The following ARHGEF18 variants were observed in gnomAD, a reference collection of about 807,000 sequenced individuals.
ARHGEF18 encodes the protein Rho/Rac guanine nucleotide exchange factor 18.
In ARHGEF18, 93 loss-of-function variants were observed where a neutral mutation model predicts 155.7. The observed-to-expected ratio is 0.60, with a 90% CI of 0.50 to 0.71. The LOEUF (loss-of-function observed/expected upper bound fraction) is 0.71. Among genes scored for constraint, ARHGEF18 ranks in the 30% least tolerant of loss-of-function variants. The probability of loss-of-function intolerance (pLI) is 0.00; values close to 1 mark genes in which losing one functional copy is unlikely to be tolerated. For synonymous variants in ARHGEF18, 742 were observed against 753.1 expected (o/e 0.99, Z 0.24); for missense variants, 1,593 against 1,816.1 (o/e 0.88, Z 2.23).
At position 7,456,550 on chromosome 19, in the gene ARHGEF18, C is replaced by T. The variant is rs577462966; in HGVS notation, c.2181+147C>T. On this transcript the variant is annotated intron_variant, in intron 18 of 28. Transcript: ENST00000668164. Reference sequence around the variant, plus strand: ...TGGCCAACATGGTGAAACCTCACCTCTACTAAAAATACAAAAATTAGCCGG... The same window carrying T: ...TGGCCAACATGGTGAAACCTCACCTTTACTAAAAATACAAAAATTAGCCGG... 4.1e-6 allele frequency: 3 copies of T among 727,092 alleles called. No individual in the cohort carries two copies. In the Middle Eastern group the frequency reaches 7.7e-4, roughly 186 times the overall value. The allele number at this position is 727,092 out of a possible 1,614,324, so 45.0% of individuals were successfully genotyped here.
At chr19:7,426,901 A>G (rs974626348) in intron 10 of ARHGEF18, among the ~76,000 whole-genome samples, 3 of 152,172 alleles carry the variant, frequency 2.0e-5, no homozygotes, top group Admixed American at 6.6e-5. Flanking sequence ...TATGCTGTCA[A>G]ATATTCTAAA....
chr19:7,355,626 C>T (rs1203918709), intron 1 of ARHGEF18: 5 of 985,344 alleles, frequency 5.1e-6, no homozygotes, highest in Non-Finnish European at 6.0e-6. Flanking sequence ...CGCATGGCCC[C>T]CATGGCTGAC....
chr19:7,473,295 C>A (rs1357387874), downstream of ARHGEF18: 1 of 456,208 alleles, frequency 2.2e-6, no homozygotes, highest in Admixed American at 2.3e-5. Context: ...AGGGAACTCT[C>A]AGGCAGCACT....
At chr19:7,396,501 A>C (rs566607994) in intron 10 of ARHGEF18, among the ~76,000 whole-genome samples, 2 of 152,256 alleles carry the variant, frequency 1.3e-5, no homozygotes, top group African/African-American at 4.8e-5. Context: ...GTGGATCACG[A>C]GGTCAGGAGA....
rs1025544538 is a variant in ARHGEF18 at position 7,463,890 on chromosome 19, C to T, written c.2708C>T (p.Ser903Phe). 4.4e-6 allele frequency: 7 copies of T among 1,601,036 alleles called. No individual in the cohort carries two copies. In the African/African-American group the frequency reaches 9.4e-5, roughly 21 times the overall value. Residue 903 changes from serine to phenylalanine, a missense_variant, in exon 22 of 29, where the codon TCC (serine) becomes TTC (phenylalanine). Ser to Phe is a radical substitution (Grantham distance 155). Coordinates refer to ENST00000668164, the MANE Select transcript of ARHGEF18 (RefSeq NM_001367823.1). This position sits in a 1 kb window ranked among gnomAD's most constrained non-coding sequence, Gnocchi z 5.2. ...GGCCAGGCGGAAGACGGAGGCAGCT[C>T]CACAGGCCCGCCCAGGAGGGCTGAG... ...ANGQAEDGGS[S>F]TGPPRRAETF...
At chr19:7,478,409 G>T in the ARHGEF18 span, 1 of 1,591,274 alleles carries the variant, frequency 6.3e-7, no homozygotes, top group African/African-American at 1.3e-5. Flanking sequence ...AGGATGCCCC[G>T]GCGGGGAGCA....
intron 15 of ARHGEF18, among the ~76,000 whole-genome samples, chr19:7,447,429 C>T (rs912050638): frequency 6.6e-6 from 1 of 151,672 alleles, no homozygotes; most frequent in Non-Finnish European, 1.5e-5. Flanking sequence ...GCAAAGGTTG[C>T]AGTGAGCCGA....
chr19:7,460,925 A>T (rs1407239623), intron 20 of ARHGEF18, among the ~76,000 whole-genome samples: 1 of 151,470 alleles, frequency 6.6e-6, no homozygotes, highest in African/African-American at 2.4e-5. Context: ...AGTAGCTGGG[A>T]CTATAGGCAC....
intron 19 of ARHGEF18, 73 bp from the exon 20 acceptor site, chr19:7,459,830 G>A: frequency 7.6e-7 from 1 of 1,312,250 alleles, no homozygotes. Context: ...GGCTGGTTCT[G>A]CAGAACCAGC....
chr19:7,451,636 A>T (rs1345946798), intron 16 of ARHGEF18, among the ~76,000 whole-genome samples: 6 of 151,704 alleles, frequency 4.0e-5, no homozygotes, highest in Admixed American at 6.6e-5. Flanking sequence ...GCTGGTGTGG[A>T]ACTCCTGGGT....
At chr19:7,478,405 C>A in the ARHGEF18 span, 1 of 1,595,030 alleles carries the variant, frequency 6.3e-7, no homozygotes, top group African/African-American at 1.3e-5. Context: ...AGGGAGGATG[C>A]CCCGGCGGGG....
chr19:7,473,239 G>T (rs1420170281), downstream of ARHGEF18: 1 of 456,082 alleles, frequency 2.2e-6, no homozygotes, highest in African/African-American at 2.0e-5. Flanking sequence ...CCATCACAAG[G>T]GGACTAGGTG....
In ARHGEF18 at chr19:7,458,701, C is replaced by A. The variant is rs771253107; in HGVS notation, c.2360+11C>A. ...AAGGGCTGTGGAGAGGTGAGGAGGG[C>A]CTGGGGGTCTCCCCACCCACTGTGT... On this transcript the variant is annotated intron_variant, in intron 19 of 28. Coordinates refer to ENST00000668164, the MANE Select transcript of ARHGEF18 (RefSeq NM_001367823.1). 28 of 1,601,282 alleles carry A rather than the reference C, an allele frequency of 1.7e-5. 1 individual carries two copies. The South Asian group carries it at 3.0e-4, about 17-fold the overall frequency.
chr19:7,405,704 A>G lies in ARHGEF18; in HGVS notation c.967+22501A>G, dbSNP rs1972267387. Among the ~76,000 whole-genome samples, 3 of 151,500 alleles carry G rather than the reference A, an allele frequency of 2.0e-5. No individual in the cohort carries two copies. In the South Asian group the frequency reaches 6.3e-4, roughly 32 times the overall value. On this transcript the variant is annotated intron_variant, in intron 10 of 28. Coordinates refer to ENST00000668164, the MANE Select transcript of ARHGEF18 (RefSeq NM_001367823.1). The stretch of plus-strand genomic sequence containing the variant: ...TAGCTCACTGCAACCTCTACCTGCC[A>G]GGCTCAAGCAATCCTCCCGCCTCAG...
intron 13 of ARHGEF18, among the ~76,000 whole-genome samples, chr19:7,442,940 G>GA (rs1381131551): frequency 6.6e-6 from 1 of 151,964 alleles, no homozygotes; most frequent in Non-Finnish European, 1.5e-5. Flanking sequence ...ACCCAGGCTG[G>GA]ATGCAGTGAT....
At chr19:7,459,764 G>A (rs1047679867) in intron 19 of ARHGEF18, 139 bp from the exon 20 acceptor site, 30 of 665,396 alleles carry the variant, frequency 4.5e-5, no homozygotes, top group East Asian at 4.1e-4. Context: ...TCCCCTCCTC[G>A]TCCTCCTGCA....
At chr19:7,441,786 TC>T in intron 12 of ARHGEF18, 21 bp downstream of exon 12, 5 of 1,613,470 alleles carry the variant, frequency 3.1e-6, no homozygotes, top group Non-Finnish European at 4.2e-6. Flanking sequence ...CTCCGCTCTC[TC>T]GCGGCTGCCA....
chr19:7,450,718 A>ATGG (rs1975361586), intron 15 of ARHGEF18, among the ~76,000 whole-genome samples: 6 of 9,984 alleles, frequency 6.0e-4, no homozygotes, highest in Non-Finnish European at 9.1e-4. Context: ...TGTTAATGCA[A>ATGG]GATCTTGCTT....
At chr19:7,413,482 T>C (rs914453893) in intron 10 of ARHGEF18, among the ~76,000 whole-genome samples, 2 of 152,042 alleles carry the variant, frequency 1.3e-5, no homozygotes, top group African/African-American at 4.8e-5. Context: ...TTTGCATTTT[T>C]AGTAGACACG....
Sources: allele counts gnomAD v4.1 joint callset (sites outside exome capture counted in the v4.1 genomes callset), GRCh38; gene constraint gnomAD v4.1.1; non-coding constraint Gnocchi (gnomAD v3.1); transcripts MANE v1.5; gene names NCBI Gene and HGNC (gene_info 2026-07-23, HGNC 2026-07-21).